SMG1: variants seen among roughly 807,000 people sequenced by gnomAD.
SMG1 encodes the protein SMG1 nonsense mediated mRNA decay associated PI3K related kinase.
In SMG1, 22 loss-of-function variants were observed where a neutral mutation model predicts 419.9. The observed-to-expected ratio is 0.05, with a 90% CI of 0.04 to 0.07. The LOEUF is 0.07. Among genes scored for constraint, SMG1 ranks in the 10% least tolerant of loss-of-function variants. SMG1 has a pLI of 1.00. For missense variants in SMG1, 3,185 were observed against 4,342.0 expected (o/e 0.73, Z 7.49); for synonymous variants, 1,538 against 1,553.5 (o/e 0.99, Z 0.23).
chr16:18,867,044 C>A (rs887673456), intron 22 of SMG1, among the ~76,000 whole-genome samples: 2 of 152,084 alleles, frequency 1.3e-5, no homozygotes. Flanking sequence ...TCTGTAGGAA[C>A]AACACATGGA....
chr16:18,883,310 C>T (rs1260302276), intron 9 of SMG1, among the ~76,000 whole-genome samples: 1 of 152,212 alleles, frequency 6.6e-6, no homozygotes, highest in African/African-American at 2.4e-5. Context: ...AGCTCCTATG[C>T]TATATTCGTA....
intron 39 of SMG1, 130 bp downstream of exon 39, chr16:18,845,299 G>A (rs1051570920): frequency 1.3e-5 from 9 of 716,070 alleles, no homozygotes; most frequent in Middle Eastern, 3.8e-4. Context: ...TAAGCAACTG[G>A]CCACAGGCTG....
rs771545506 is a variant in SMG1, at chr16:18,890,907, T to C, written c.564A>G (p.Gln188=). The change falls in exon 5 of 63, where the codon CAA becomes CAG. Residue 188 remains glutamine (Q), a synonymous_variant. Coordinates refer to ENST00000446231, the MANE Select transcript of SMG1 (RefSeq NM_015092.5). ...GTACAGCAGCCAAGATATTATCCAA[T>C]TGTTTAACTAGTACCTTTAAAAGAA... ...QPENKLVLVK[Q]LDNILAAVHD... The C allele has an allele frequency of 2.3e-5, 36 of 1,552,084 alleles. No individual in the cohort carries two copies. The highest frequency in any genetic ancestry group is 3.1e-5 in the Non-Finnish European group (35 of 1,125,838).
chr16:18,829,886 T>C (rs2033046455), intron 53 of SMG1, 40 bp downstream of exon 53: 1 of 1,480,234 alleles, frequency 6.8e-7, no homozygotes, highest in African/African-American at 1.4e-5. Flanking sequence ...TCCATAGTGC[T>C]ACATAGCTAA....
intron 29 of SMG1, among the ~76,000 whole-genome samples, chr16:18,855,387 C>T (rs1443701996): frequency 6.6e-6 from 1 of 152,156 alleles, no homozygotes; most frequent in Non-Finnish European, 1.5e-5. Context: ...GCATACTCTC[C>T]CTGGACATCA....
Position 18,847,926 on chromosome 16 carries a change from T to G in SMG1, c.5731A>C (p.Asn1911His). 1 of 1,614,044 alleles carries G rather than the reference T, an allele frequency of 6.2e-7. No individual in the cohort carries two copies. Among genetic ancestry groups the G allele is most frequent in the Non-Finnish European group, 8.5e-7 (1 of 1,179,892 alleles). Reference sequence around the variant, plus strand: ...AATCCACTTTTAGGTTCATCCTTATTGCTATCCTGAGATGCAGGAGGACTT... The same window carrying G: ...AATCCACTTTTAGGTTCATCCTTATGGCTATCCTGAGATGCAGGAGGACTT... The part of the protein sequence containing the change: ...GGSPPASQDS[N>H]KDEPKSGLNE... The change falls in exon 37 of 63, where the codon AAT becomes CAT. Residue 1911 changes from asparagine to histidine, a missense_variant. Asn to His is a moderately conservative substitution (Grantham distance 68). This residue lies in a region of SMG1 where 130 missense variants were observed against 162.0 expected (regional missense o/e 0.80). Coordinates refer to ENST00000446231, the MANE Select transcript of SMG1 (RefSeq NM_015092.5).
In SMG1 at chr16:18,828,058, C is replaced by G. The variant is rs1012435107; in HGVS notation, c.9714G>C (p.Gln3238His). The change falls in exon 55 of 63, where the codon CAG (glutamine) becomes CAC (histidine). Residue 3238 changes from glutamine (Q) to histidine (H), a missense_variant. Coordinates refer to ENST00000446231, the MANE Select transcript of SMG1 (RefSeq NM_015092.5). ...GAACTGTTGCAATAGAAGTTTCAATCTGGCTCAGGGTATGCAGCTTCTTTT... is the reference window on the plus strand; with the variant it reads ...GAACTGTTGCAATAGAAGTTTCAATGTGGCTCAGGGTATGCAGCTTCTTTT... ...SMKKKLHTLSQIETSIATVQE... is the reference protein window; with the variant it reads ...SMKKKLHTLSHIETSIATVQE... 1 of 1,612,758 alleles carries G rather than the reference C, an allele frequency of 6.2e-7. No individual in the cohort carries two copies. The highest frequency in any genetic ancestry group is 8.5e-7 in the Non-Finnish European group (1 of 1,179,262).
At chr16:18,885,500 C>A in intron 7 of SMG1, 41 bp downstream of exon 7, 2 of 1,594,540 alleles carry the variant, frequency 1.3e-6, no homozygotes, top group South Asian at 1.1e-5. Context: ...CACAACCATC[C>A]CCCTCACCCC....
At position 18,845,689 on chromosome 16, in the gene SMG1, T is replaced by C. The variant is rs779776404; in HGVS notation, c.5997-38A>G. The C allele has an allele frequency of 3.3e-6, 5 of 1,529,976 alleles. No homozygotes were observed. In the South Asian group the frequency reaches 5.8e-5, roughly 18 times the overall value. The allele number at this position is 1,529,976 out of a possible 1,614,324, so 94.8% of individuals were successfully genotyped here. A position where few individuals can be genotyped will look rare whatever the true frequency, so the allele number is the denominator to read the frequency against. On this transcript the variant is annotated intron_variant, in intron 38 of 62. Transcript: ENST00000446231. ...ACATTTTTATTCAAAAACTTAAATG[T>C]GTACATTAAAGTTTTACACAAACAT...
intron 1 of SMG1, among the ~76,000 whole-genome samples, chr16:18,897,586 G>A (rs780188395): frequency 6.6e-5 from 10 of 152,154 alleles, no homozygotes; most frequent in Non-Finnish European, 1.2e-4. Context: ...GCAATAAAGT[G>A]ATATCAGAAA....
chr16:18,819,511 T>C lies in SMG1; in HGVS notation c.9885A>G (p.Arg3295=). The part of the protein sequence containing the change: ...RRNLVLKESQ[R]ASQVTFLCSN... ...ATGTAAGTCACAATACCTGACTTGC[T>C]CTTTGGCTCTCTTTAAGGACAAGAT... The change falls in exon 56 of 63, where the codon AGA becomes AGG. Residue 3295 remains arginine, a synonymous_variant. Transcript: ENST00000446231. The C allele has an allele frequency of 6.2e-7, 1 of 1,610,342 alleles. No homozygotes were observed. The highest frequency in any genetic ancestry group is 8.5e-7 in the Non-Finnish European group (1 of 1,178,108).
chr16:18,877,351 T>C (rs2036183743), intron 11 of SMG1, 119 bp from the exon 12 acceptor site: 2 of 615,436 alleles, frequency 3.2e-6, no homozygotes, highest in Non-Finnish European at 5.4e-6. Flanking sequence ...ACTATATGAC[T>C]CCAACTACAT....
intron 28 of SMG1, 63 bp from the exon 29 acceptor site, chr16:18,858,353 T>C (rs1466655613): frequency 2.1e-5 from 32 of 1,496,478 alleles, no homozygotes; most frequent in South Asian, 5.4e-5. Flanking sequence ...TGCAGATATA[T>C]AGCAAGTCTT....
chr16:18,893,758 T>TA (rs34121400), intron 3 of SMG1, among the ~76,000 whole-genome samples: 14,505 of 151,664 alleles, frequency 0.096, 749 homozygotes, highest in Middle Eastern at 0.18. Flanking sequence ...AAAACATTGG[T>TA]AAAAAAAGAA....
rs527427337 is a variant in SMG1, at chr16:18,807,935, G to A, written c.*1634C>T. The A allele has an allele frequency of 6.6e-6, 1 of 152,250 alleles. No homozygotes were observed. The highest frequency in any genetic ancestry group is 1.9e-4 in the East Asian group (1 of 5,162). 9.4% of individuals were successfully genotyped at this position (152,250 alleles called of 1,614,324 possible). On this transcript the variant is annotated 3_prime_UTR_variant, in exon 63 of 63. Transcript: ENST00000446231. ...CCACCACGCCCGGCTAATTTTTTTT[G>A]TATTTTTAGTAAAGACGGGGTTTCA...
intron 1 of SMG1, among the ~76,000 whole-genome samples, chr16:18,912,010 G>C (rs1325875642): frequency 6.6e-6 from 1 of 150,878 alleles, no homozygotes; most frequent in Non-Finnish European, 1.5e-5. Context: ...GAACCCGGGA[G>C]GTGGAGATTG....
chr16:18,925,920 T>C, intron 1 of SMG1, 30 bp downstream of exon 1: 3 of 1,490,332 alleles, frequency 2.0e-6, no homozygotes, highest in Non-Finnish European at 2.7e-6. Context: ...GCCCGGGAGG[T>C]CGGGGCGGGG....
At chr16:18,879,197 C>T (rs2036277430) in intron 11 of SMG1, 2 of 404,204 alleles carry the variant, frequency 4.9e-6, no homozygotes, top group Non-Finnish European at 9.4e-6. Context: ...CTCTCTTCAA[C>T]CTCAAGTTCC....
chr16:18,847,307 C>G, intron 38 of SMG1, 146 bp downstream of exon 38: 1 of 787,296 alleles, frequency 1.3e-6, no homozygotes, highest in Admixed American at 2.6e-5. Context: ...TGGAAATGGA[C>G]CGTGGTGATG....
Sources: gnomAD v4.1 joint callset for allele counts (sites outside exome capture counted in the v4.1 genomes callset) on GRCh38, gnomAD v4.1.1 for gene constraint, gnomAD v4.1.1 regional missense constraint, MANE v1.5 for transcripts, NCBI Gene and HGNC (gene_info 2026-07-23, HGNC 2026-07-21) for gene names.